The following MCCC1 variants were observed in gnomAD, a reference collection of about 807,000 sequenced individuals.
MCCC1 encodes methylcrotonoyl-CoA carboxylase subunit alpha, mitochondrial.
A neutral mutation model predicts 83.8 loss-of-function variants in MCCC1; 64 were observed. That is an observed-to-expected ratio of 0.76 (90% CI 0.62 to 0.94). The LOEUF is 0.94. Among genes scored for constraint, MCCC1 ranks in the 40% least tolerant of loss-of-function variants. The pLI is 0.00. For missense variants in MCCC1, 807 were observed against 904.7 expected, an observed-to-expected ratio of 0.89 and a Z score of 1.39; for synonymous variants, 322 against 315.4, an observed-to-expected ratio of 1.02 and a Z score of -0.22.
intron 7 of MCCC1, among the ~76,000 whole-genome samples, chr3:183,062,499 C>G (rs985414344): frequency 3.3e-5 from 5 of 151,996 alleles, no homozygotes; most frequent in African/African-American, 1.2e-4. Flanking sequence ...CGACTACAGG[C>G]ACACACCACC....
intron 12 of MCCC1, 149 bp from the exon 13 acceptor site, chr3:183,037,583 C>A: frequency 1.4e-6 from 1 of 717,518 alleles, no homozygotes; most frequent in South Asian, 1.7e-5. Flanking sequence ...GGCAACAGGA[C>A]AATTCTCAGG....
chr3:183,020,504 C>T (rs538527241), intron 16 of MCCC1, among the ~76,000 whole-genome samples: 5 of 152,096 alleles, frequency 3.3e-5, no homozygotes, highest in South Asian at 2.1e-4. Context: ...TAGTGGTACG[C>T]GCCTATAGTC....
At chr3:183,096,112 G>C (rs919217811) in intron 1 of MCCC1, among the ~76,000 whole-genome samples, 1 of 152,142 alleles carries the variant, frequency 6.6e-6, no homozygotes, top group African/African-American at 2.4e-5. Flanking sequence ...GAGGTGGGGG[G>C]ATTACCTGAG....
intron 16 of MCCC1, among the ~76,000 whole-genome samples, chr3:183,020,516 C>CA (rs1712066453): frequency 6.6e-6 from 1 of 151,996 alleles, no homozygotes. Context: ...CCTATAGTCC[C>CA]AGCTACTTGG....
intron 7 of MCCC1, among the ~76,000 whole-genome samples, chr3:183,065,763 T>C (rs1014483428): frequency 2.6e-5 from 4 of 152,200 alleles, no homozygotes; most frequent in African/African-American, 9.7e-5. Context: ...TGTGAACATA[T>C]TGTCTAAAGT....
intron 13 of MCCC1, among the ~76,000 whole-genome samples, chr3:183,036,730 A>G (rs936500788): frequency 6.6e-6 from 1 of 151,704 alleles, no homozygotes. Context: ...TAGTAGAGAC[A>G]GGGTTTCACC....
chr3:183,112,507 AC>A (rs1719515793), intron 1 of MCCC1, among the ~76,000 whole-genome samples: 1 of 152,178 alleles, frequency 6.6e-6, no homozygotes, highest in Non-Finnish European at 1.5e-5. Flanking sequence ...GGTTTAAAAA[AC>A]CTTTTATTAT....
rs577814911 is a variant in MCCC1, at chr3:183,042,235, G to A, written c.1084-485C>T. Among the ~76,000 whole-genome samples, 3 of 152,276 alleles carry A rather than the reference G, an allele frequency of 2.0e-5. No individual in the cohort carries two copies. The East Asian group carries it at 5.8e-4, about 29-fold the overall frequency. On this transcript the variant is annotated intron_variant, in intron 10 of 18. Transcript: ENST00000265594. ...TCTTCACCAGTAAGTGGGTGATAAAGCAAAACAGAAAGGGGAAAATGATGG... is the reference window on the plus strand; with the variant it reads ...TCTTCACCAGTAAGTGGGTGATAAAACAAAACAGAAAGGGGAAAATGATGG...
chr3:183,085,177 C>T lies in MCCC1; in HGVS notation c.369+1516G>A, dbSNP rs560006180. ...CAGGTGAGGGTGATGGGCAACACTA[C>T]GGCAATTTACTTTTAATTGTTTTGC... On this transcript the variant is annotated intron_variant, in intron 4 of 18. Transcript: ENST00000265594. 4.2e-4 allele frequency among the ~76,000 whole-genome samples: 64 copies of T among 152,236 alleles called. No individual in the cohort carries two copies. The South Asian group carries it at 7.9e-3, about 19-fold the overall frequency.
At chr3:183,033,569 C>T (rs986881346) in intron 14 of MCCC1, among the ~76,000 whole-genome samples, 5 of 152,166 alleles carry the variant, frequency 3.3e-5, no homozygotes, top group Admixed American at 6.5e-5. Context: ...AGTGGGTAAT[C>T]GTCCCTCTCT....
intron 9 of MCCC1, among the ~76,000 whole-genome samples, chr3:183,051,412 A>G (rs548392784): frequency 7.9e-5 from 12 of 152,324 alleles, no homozygotes; most frequent in Admixed American, 7.8e-4. Context: ...AAAGAAGCCA[A>G]TCGGAAAAGG....
upstream of MCCC1, among the ~76,000 whole-genome samples, chr3:183,100,704 T>G (rs183211058): frequency 8.5e-4 from 129 of 152,194 alleles, no homozygotes; most frequent in African/African-American, 3.0e-3. Context: ...TCATGTCTTG[T>G]AACCCCCCAT....
chr3:183,082,474 T>C (rs1018607079), intron 4 of MCCC1, among the ~76,000 whole-genome samples: 1 of 152,208 alleles, frequency 6.6e-6, no homozygotes, highest in Non-Finnish European at 1.5e-5. Flanking sequence ...ATTGTTTACT[T>C]AAACTGAATA....
In MCCC1 at chr3:183,071,010, T is replaced by A. The variant is rs1182074960; in HGVS notation, c.750A>T (p.Val250=). The change falls in exon 7 of 19, where the codon GTA becomes GTT. Residue 250 remains valine (V), a synonymous_variant. Transcript: ENST00000265594. ...TAAGGCCAACCCACCTCGGTGTGTCTACAAACTTCTCGATCAGCATAGCAT... is the reference window on the plus strand; with the variant it reads ...TAAGGCCAACCCACCTCGGTGTGTCAACAAACTTCTCGATCAGCATAGCAT... ...NDDAMLIEKF[V]DTPRHVEVQV... 1 of 1,614,084 alleles carries A rather than the reference T, an allele frequency of 6.2e-7. No individual in the cohort carries two copies. The highest frequency in any genetic ancestry group is 1.1e-5 in the South Asian group (1 of 91,070).
At chr3:183,034,735 A>C (rs1479385505) in intron 13 of MCCC1, among the ~76,000 whole-genome samples, 4 of 145,946 alleles carry the variant, frequency 2.7e-5, no homozygotes, top group Non-Finnish European at 4.5e-5. Flanking sequence ...GGCCTCTTTT[A>C]CTCTTTTATG....
At chr3:183,052,447 G>A (rs1214440003) in intron 8 of MCCC1, among the ~76,000 whole-genome samples, 1 of 152,166 alleles carries the variant, frequency 6.6e-6, no homozygotes. Flanking sequence ...TCACAGCACA[G>A]TCATTACTCA....
intron 13 of MCCC1, 147 bp from the exon 14 acceptor site, chr3:183,034,224 G>C (rs997965360): frequency 1.6e-6 from 1 of 618,430 alleles, no homozygotes; most frequent in Non-Finnish European, 2.9e-6. Flanking sequence ...GCCAAGGCGG[G>C]CGGATCATGA....
chr3:183,082,354 A>G (rs1020650759), intron 4 of MCCC1, among the ~76,000 whole-genome samples: 1 of 152,224 alleles, frequency 6.6e-6, no homozygotes, highest in Non-Finnish European at 1.5e-5. Context: ...AAAATGGAGC[A>G]CTTTTATAAA....
At chr3:183,111,561 A>C (rs1005739842) in intron 1 of MCCC1, among the ~76,000 whole-genome samples, 1 of 152,166 alleles carries the variant, frequency 6.6e-6, no homozygotes, top group African/African-American at 2.4e-5. Flanking sequence ...TGGCCTCCCA[A>C]AGTGCTGGGA....
Sources: allele counts gnomAD v4.1 joint callset (sites outside exome capture counted in the v4.1 genomes callset), GRCh38; gene constraint gnomAD v4.1.1; transcripts MANE v1.5; gene names NCBI Gene and HGNC (gene_info 2026-07-23, HGNC 2026-07-21).